The following FSTL5 variants were observed in gnomAD, a reference collection of about 807,000 sequenced individuals.
FSTL5 encodes the protein follistatin like 5, also known as follistatin-related protein 5.
A neutral mutation model predicts 89.1 loss-of-function variants in FSTL5; 62 were observed. That is an observed-to-expected ratio of 0.70 (90% CI 0.57 to 0.86). The LOEUF is 0.86. Among genes scored for constraint, FSTL5 ranks in the 40% least tolerant of loss-of-function variants. FSTL5 has a pLI of 0.00. For synonymous variants in FSTL5, 383 were observed against 346.2 expected, an observed-to-expected ratio of 1.11 and a Z score of -1.18; for missense variants, 1,057 against 1,001.6, an observed-to-expected ratio of 1.06 and a Z score of -0.75.
At chr4:162,011,253 T>A (rs922574641) in intron 3 of FSTL5, among the ~76,000 whole-genome samples, 1 of 152,082 alleles carries the variant, frequency 6.6e-6, no homozygotes, top group African/African-American at 2.4e-5. Context: ...AACCATTAAG[T>A]TTTCCATTCC....
At chr4:161,711,750 CAGA>C (rs1738788481) in intron 6 of FSTL5, among the ~76,000 whole-genome samples, 1 of 151,932 alleles carries the variant, frequency 6.6e-6, no homozygotes, top group Non-Finnish European at 1.5e-5. Context: ...ACAAACAAAT[CAGA>C]AATATATAAA....
intron 7 of FSTL5, among the ~76,000 whole-genome samples, chr4:161,600,531 A>C (rs1734194339): frequency 6.6e-6 from 1 of 152,136 alleles, no homozygotes. Flanking sequence ...AAATCAAAGT[A>C]AGCTTTACAT....
intron 3 of FSTL5, among the ~76,000 whole-genome samples, chr4:162,016,608 G>A (rs4440175): frequency 1 from 151,991 of 152,298 alleles, 75,842 homozygotes; most frequent in Non-Finnish European, 1. Context: ...TTTAACTTAC[G>A]TGGGGATTTA....
chr4:161,687,443 C>A (rs67752841), intron 6 of FSTL5, among the ~76,000 whole-genome samples: 1 of 151,924 alleles, frequency 6.6e-6, no homozygotes, highest in African/African-American at 2.4e-5. Context: ...AAAAATGTAT[C>A]TTTTTAAATT....
intron 2 of FSTL5, among the ~76,000 whole-genome samples, chr4:162,041,152 G>T (rs1403701256): frequency 6.7e-6 from 1 of 148,538 alleles, no homozygotes; most frequent in African/African-American, 2.5e-5. Flanking sequence ...AGCTGAAGGT[G>T]AGCTGTGAGA....
intron 6 of FSTL5, among the ~76,000 whole-genome samples, chr4:161,751,620 T>A (rs6840436): frequency 0.032 from 4,910 of 151,808 alleles, 87 homozygotes; most frequent in African/African-American, 0.041. Flanking sequence ...ACTAAAAAAA[T>A]AAATAAATAA....
chr4:161,933,574 G>T (rs750821525), intron 3 of FSTL5, among the ~76,000 whole-genome samples: 2 of 151,000 alleles, frequency 1.3e-5, no homozygotes, highest in Non-Finnish European at 3.0e-5. Flanking sequence ...AGAAAAAAAA[G>T]CTTCCTAATA....
At chr4:162,072,391 C>T (rs1213091152) in intron 2 of FSTL5, among the ~76,000 whole-genome samples, 1 of 151,480 alleles carries the variant, frequency 6.6e-6, no homozygotes, top group Non-Finnish European at 1.5e-5. Flanking sequence ...AAATACAAAA[C>T]AAAGTAATTT....
intron 5 of FSTL5, among the ~76,000 whole-genome samples, chr4:161,775,469 A>G (rs553186008): frequency 6.6e-6 from 1 of 152,136 alleles, no homozygotes; most frequent in African/African-American, 2.4e-5. Flanking sequence ...ATTTATATAC[A>G]CTTTGTTATA....
intron 8 of FSTL5, among the ~76,000 whole-genome samples, chr4:161,585,712 A>T (rs1733590244): frequency 6.6e-6 from 1 of 151,964 alleles, no homozygotes; most frequent in Non-Finnish European, 1.5e-5. Flanking sequence ...TGGATGCTGC[A>T]TTTACCTAGA....
chr4:161,891,624 G>A (rs750755705), intron 4 of FSTL5, among the ~76,000 whole-genome samples: 7 of 152,078 alleles, frequency 4.6e-5, no homozygotes, highest in Non-Finnish European at 8.8e-5. Flanking sequence ...AGTGACAAAT[G>A]TAATATTATT....
intron 2 of FSTL5, among the ~76,000 whole-genome samples, chr4:162,054,086 G>C (rs1212907558): frequency 1.4e-4 from 21 of 151,678 alleles, no homozygotes; most frequent in Admixed American, 1.4e-3. Context: ...ACACACATTT[G>C]AGCACAATAT....
intron 4 of FSTL5, among the ~76,000 whole-genome samples, chr4:161,877,884 G>C (rs1732499709): frequency 6.6e-6 from 1 of 151,340 alleles, no homozygotes; most frequent in African/African-American, 2.4e-5. Flanking sequence ...TCGATCTCCT[G>C]ACCTCGTGAT....
intron 3 of FSTL5, among the ~76,000 whole-genome samples, chr4:161,976,117 C>CAAAAA (rs371745777): frequency 3.1e-5 from 2 of 65,354 alleles, no homozygotes; most frequent in African/African-American, 5.6e-5. Context: ...GACTCCGCCT[C>CAAAAA]AAAAAAAAAA....
intron 4 of FSTL5, among the ~76,000 whole-genome samples, chr4:161,837,393 A>C (rs543652909): frequency 3.3e-4 from 50 of 152,170 alleles, no homozygotes; most frequent in Admixed American, 9.2e-4. Context: ...CTCAAATACT[A>C]TAAAAGTTAA....
At position 161,576,975 on chromosome 4, in the gene FSTL5, C is replaced by T. The variant is rs893667688; in HGVS notation, c.1015+10480G>A. On this transcript the variant is annotated intron_variant, in intron 8 of 15. Coordinates refer to ENST00000306100, the MANE Select transcript of FSTL5 (RefSeq NM_020116.5). ...TCTCCATACATAGTGACAAAATTAACATTTTTATGAGAAGTTATGATCCAG... is the reference window on the plus strand; with the variant it reads ...TCTCCATACATAGTGACAAAATTAATATTTTTATGAGAAGTTATGATCCAG... Among the ~76,000 whole-genome samples, 10 of 152,276 alleles carry T rather than the reference C, an allele frequency of 6.6e-5. No individual in the cohort carries two copies. The East Asian group carries it at 1.9e-3, about 29-fold the overall frequency.
intron 4 of FSTL5, among the ~76,000 whole-genome samples, chr4:161,780,841 AG>A (rs1455696000): frequency 6.6e-6 from 1 of 152,168 alleles, no homozygotes; most frequent in African/African-American, 2.4e-5. Context: ...GTTTTTGTAA[AG>A]GCTGCAATTT....
chr4:161,564,094 A>C (rs1171458979), intron 8 of FSTL5, among the ~76,000 whole-genome samples: 2 of 151,836 alleles, frequency 1.3e-5, no homozygotes, highest in Non-Finnish European at 2.9e-5. Flanking sequence ...TTTTCTTCAG[A>C]GTGAATAATA....
intron 3 of FSTL5, among the ~76,000 whole-genome samples, chr4:161,971,166 T>C (rs1005490118): frequency 2.6e-5 from 4 of 152,154 alleles, no homozygotes; most frequent in African/African-American, 9.7e-5. Flanking sequence ...AGATTGAAGA[T>C]TTCATGAGAT....
Sources: gnomAD v4.1 joint callset for allele counts (sites outside exome capture counted in the v4.1 genomes callset) on GRCh38, gnomAD v4.1.1 for gene constraint, MANE v1.5 for transcripts, NCBI Gene and HGNC (gene_info 2026-07-23, HGNC 2026-07-21) for gene names.